SEPTIN11: variants seen among roughly 807,000 people sequenced by gnomAD.
The protein encoded by SEPTIN11 is septin 11.
SEPTIN11 carries 25 observed loss-of-function variants against 51.4 expected under a neutral mutation model. The ratio of observed to expected loss-of-function variants is 0.49; its 90% CI spans 0.35 to 0.68. The LOEUF is 0.68. Ranked by LOEUF, SEPTIN11 falls within the 30% of genes least tolerant of loss-of-function variation. The pLI is 0.00. For missense variants in SEPTIN11, 381 were observed against 520.8 expected, an observed-to-expected ratio of 0.73 and a Z score of 2.61; for synonymous variants, 174 against 184.1, an observed-to-expected ratio of 0.95 and a Z score of 0.44.
chr4:77,011,620 T>G (rs1310341035), intron 3 of SEPTIN11, 115 bp from the exon 4 acceptor site: 2 of 888,670 alleles, frequency 2.3e-6, no homozygotes, highest in Non-Finnish European at 3.5e-6. Context: ...CCTGGATACC[T>G]AGGTAAGGAC....
chr4:77,012,981 G>A (rs961521775), intron 4 of SEPTIN11, among the ~76,000 whole-genome samples: 3 of 152,208 alleles, frequency 2.0e-5, no homozygotes, highest in Non-Finnish European at 4.4e-5. Context: ...CATTAGCCAT[G>A]ATAGTGGAGA....
intron 1 of SEPTIN11, among the ~76,000 whole-genome samples, chr4:76,956,962 A>ATTGTG (rs1553966569): frequency 8.4e-6 from 1 of 119,118 alleles, no homozygotes; most frequent in Admixed American, 8.3e-5. Context: ...TAGTAGAATG[A>ATTGTG]TGTGTGTGTG....
chr4:77,022,311 T>C (rs1486868893), intron 7 of SEPTIN11, among the ~76,000 whole-genome samples: 1 of 152,198 alleles, frequency 6.6e-6, no homozygotes, highest in East Asian at 1.9e-4. Context: ...AGTCAGGAGT[T>C]TGGGTTCAGT....
intron 1 of SEPTIN11, among the ~76,000 whole-genome samples, chr4:76,983,319 G>C (rs1027415394): frequency 1.3e-5 from 2 of 152,210 alleles, no homozygotes; most frequent in African/African-American, 4.8e-5. Flanking sequence ...CTCGTGGCTT[G>C]GAACCGTCAG....
intron 1 of SEPTIN11, among the ~76,000 whole-genome samples, chr4:76,985,383 C>A (rs550513442): frequency 2.5e-4 from 38 of 152,270 alleles, no homozygotes; most frequent in African/African-American, 7.7e-4. Context: ...GCTAGTGATT[C>A]CCCTCCTCCC....
At chr4:76,949,972 TGGTC>T in intron 1 of SEPTIN11, 42 bp downstream of exon 1, 1 of 1,429,914 alleles carries the variant, frequency 7.0e-7, no homozygotes, top group South Asian at 1.5e-5. Flanking sequence ...GGGCGCCGGG[TGGTC>T]TCTGCTCTGG....
In SEPTIN11 at chr4:76,949,877, G is replaced by T. The variant is rs754095231; in HGVS notation, c.-27G>T. The T allele has an allele frequency of 1.5e-5, 23 of 1,520,554 alleles. No homozygotes were observed. In the South Asian group the frequency reaches 2.4e-4, roughly 16 times the overall value. The allele number at this position is 1,520,554 out of a possible 1,614,324, so 94.2% of individuals were successfully genotyped here. A position where few individuals can be genotyped will look rare whatever the true frequency, so the allele number is the denominator to read the frequency against. ...CGGAGTCGGCGTAAAGCACCCGGGC[G>T]CAGCCGGAGCCGGTGCCGCAGCTGC... On this transcript the variant is annotated 5_prime_UTR_variant, in exon 1 of 10. Transcript: ENST00000264893.
intron 9 of SEPTIN11, chr4:77,031,666 C>T (rs913641189): frequency 6.6e-6 from 1 of 152,178 alleles, no homozygotes; most frequent in Non-Finnish European, 1.5e-5. Flanking sequence ...AGATTTAGGC[C>T]TCCCTTGACA....
At chr4:76,955,759 T>G (rs1721533589) in intron 1 of SEPTIN11, among the ~76,000 whole-genome samples, 1 of 152,152 alleles carries the variant, frequency 6.6e-6, no homozygotes, top group Admixed American at 6.5e-5. Flanking sequence ...AAATGAAGAC[T>G]GACAGAGGAC....
intron 6 of SEPTIN11, 94 bp downstream of exon 6, chr4:77,019,355 C>G: frequency 2.0e-6 from 2 of 1,018,906 alleles, no homozygotes; most frequent in Non-Finnish European, 2.8e-6. Flanking sequence ...GGGAGGCCCT[C>G]AACAGTGGGC....
chr4:77,017,205 A>G (rs1299346357), intron 5 of SEPTIN11, among the ~76,000 whole-genome samples: 2 of 152,212 alleles, frequency 1.3e-5, no homozygotes. Context: ...TCATGGAACT[A>G]TATCTTTGTT....
At chr4:76,967,272 C>T (rs566649489) in intron 1 of SEPTIN11, among the ~76,000 whole-genome samples, 1 of 152,256 alleles carries the variant, frequency 6.6e-6, no homozygotes, top group South Asian at 2.1e-4. Flanking sequence ...CTAACTTTCT[C>T]TTTAGTTAAT....
intron 9 of SEPTIN11, among the ~76,000 whole-genome samples, chr4:77,033,264 G>T (rs1394915660): frequency 6.6e-6 from 1 of 152,174 alleles, no homozygotes; most frequent in Non-Finnish European, 1.5e-5. Context: ...ACTTTGAAAA[G>T]AGCTGGGAAG....
At position 77,035,059 on chromosome 4, in the gene SEPTIN11, C is replaced by T. The variant is rs2109990798; in HGVS notation, c.*547C>T. On this transcript the variant is annotated 3_prime_UTR_variant, in exon 10 of 10. Coordinates refer to ENST00000264893, the MANE Select transcript of SEPTIN11 (RefSeq NM_018243.4). ...ATATTTTATTTTTACCCTTGCATGA[C>T]ATTTTCATTTTAATCAATAACATTA... 1 of 985,442 alleles carries T rather than the reference C, an allele frequency of 1.0e-6. No individual in the cohort carries two copies. Among genetic ancestry groups the T allele is most frequent in the African/African-American group, 1.7e-5 (1 of 57,352 alleles). 61.0% of individuals were successfully genotyped at this position (985,442 alleles called of 1,614,324 possible).
chr4:77,012,365 A>G (rs1724935336), intron 4 of SEPTIN11, among the ~76,000 whole-genome samples: 1 of 152,208 alleles, frequency 6.6e-6, no homozygotes, highest in African/African-American at 2.4e-5. Flanking sequence ...AAGTAAAGCA[A>G]AGTCTTAATT....
intron 1 of SEPTIN11, 104 bp downstream of exon 1, chr4:76,950,034 C>CG: frequency 3.6e-6 from 4 of 1,104,614 alleles, no homozygotes; most frequent in Non-Finnish European, 4.8e-6. Context: ...TGCTCGGCCC[C>CG]GCGGCGGCGG....
At chr4:77,029,073 C>T (rs577221578) in intron 8 of SEPTIN11, among the ~76,000 whole-genome samples, 85 of 152,270 alleles carry the variant, frequency 5.6e-4, no homozygotes, top group African/African-American at 2.0e-3. Context: ...CTTCAATTTA[C>T]AAGTCTTAAA....
chr4:76,962,888 A>G (rs554372175), intron 1 of SEPTIN11, among the ~76,000 whole-genome samples: 13 of 152,296 alleles, frequency 8.5e-5, no homozygotes, highest in South Asian at 6.2e-4. Context: ...GATGTACTCA[A>G]TCTGTCCGGG....
rs1255983595 is a variant in SEPTIN11, at chr4:76,983,883, C to CTGTA, written c.28-12541_28-12538dup. ...ATTAGCTGGGCGTGGTGGCAGGTGC[C>CTGTA]TGTAATCCCAGCTACTCGGAAGCTG... On this transcript the variant is annotated intron_variant, in intron 1 of 9. Coordinates refer to ENST00000264893, the MANE Select transcript of SEPTIN11 (RefSeq NM_018243.4). Among the ~76,000 whole-genome samples, 10 of 152,132 alleles carry CTGTA rather than the reference C, an allele frequency of 6.6e-5. No individual in the cohort carries two copies. In the East Asian group the frequency reaches 1.9e-3, roughly 29 times the overall value.
Sources: gnomAD v4.1 joint callset for allele counts (sites outside exome capture counted in the v4.1 genomes callset) on GRCh38, gnomAD v4.1.1 for gene constraint, MANE v1.5 for transcripts, NCBI Gene and HGNC (gene_info 2026-07-23, HGNC 2026-07-21) for gene names.